RIMS1: variants seen among roughly 807,000 people sequenced by gnomAD.
The protein encoded by RIMS1 is regulating synaptic membrane exocytosis protein 1.
In RIMS1, 83 loss-of-function variants were observed where a neutral mutation model predicts 214.1. That is an observed-to-expected ratio of 0.39 (90% CI 0.32 to 0.47). The LOEUF (loss-of-function observed/expected upper bound fraction) is 0.47, where lower values mean the gene tolerates loss of function less well. Among genes scored for constraint, RIMS1 ranks in the 20% least tolerant of loss-of-function variants. The pLI, the probability that RIMS1 is intolerant of heterozygous loss-of-function variation, is 0.99. For missense variants in RIMS1, 2,050 were observed against 2,161.8 expected (o/e 0.95, Z 1.03); for synonymous variants, 793 against 786.8 (o/e 1.01, Z -0.13).
chr6:72,346,525 A>G lies in RIMS1; in HGVS notation c.4366+12690A>G, dbSNP rs559575335. On this transcript the variant is annotated intron_variant, in intron 29 of 33. Coordinates refer to ENST00000521978, the MANE Select transcript of RIMS1 (RefSeq NM_014989.7). Reference sequence around the variant, plus strand: ...TGAAAGATGTTTATGAACTCCCAGAAGTATGTTCATCCCAAATTAGGCATA... The same window carrying G: ...TGAAAGATGTTTATGAACTCCCAGAGGTATGTTCATCCCAAATTAGGCATA... 3.3e-5 allele frequency among the ~76,000 whole-genome samples: 5 copies of G among 151,790 alleles called. No homozygotes were observed. In the South Asian group the frequency reaches 8.3e-4, roughly 25 times the overall value.
rs1368485568 is a variant in RIMS1 at position 72,182,352 on chromosome 6, C to G, written c.881C>G (p.Pro294Arg). 19 of 1,613,426 alleles carry G rather than the reference C, an allele frequency of 1.2e-5. No individual in the cohort carries two copies. The highest frequency in any genetic ancestry group is 1.5e-5 in the Non-Finnish European group (18 of 1,179,628). ...CTGAAGAGCGAGCGGAAACGCGTGC[C>G]AAAGACCTCAGCGCAGCCCGTGGAG... ...GALKSERKRV[P>R]KTSAQPVEGA... Residue 294 changes from proline (P) to arginine (R), a missense_variant, in exon 6 of 34, where the codon CCA becomes CGA. This residue lies in a region of RIMS1 where 882 missense variants were observed against 828.9 expected (regional missense o/e 1.06). Coordinates refer to ENST00000521978, the MANE Select transcript of RIMS1 (RefSeq NM_014989.7).
chr6:71,915,700 G>A (rs377254879), intron 1 of RIMS1, among the ~76,000 whole-genome samples: 1 of 152,078 alleles, frequency 6.6e-6, no homozygotes, highest in Non-Finnish European at 1.5e-5. Context: ...TATATATAAA[G>A]CATTTAAAAC....
chr6:72,013,939 AT>A (rs919818939), intron 2 of RIMS1, among the ~76,000 whole-genome samples: 4 of 152,118 alleles, frequency 2.6e-5, no homozygotes, highest in Non-Finnish European at 4.4e-5. Flanking sequence ...GTCTCTGTGG[AT>A]TTGCTGAACC....
rs116441068 is a variant in RIMS1 at position 72,058,569 on chromosome 6, G to A, written c.246-38380G>A. Among the ~76,000 whole-genome samples, 512 of 152,252 alleles carry A rather than the reference G, an allele frequency of 3.4e-3. 5 individuals are homozygous for A. Among genetic ancestry groups the A allele is most frequent in the African/African-American group, 0.012 (483 of 41,522 alleles). Reference sequence around the variant, plus strand: ...TTCATATGTGTTTGTGCTCCTAGAGGTTCATGTAGAGGAGAGGGTAGCCCA... The same window carrying A: ...TTCATATGTGTTTGTGCTCCTAGAGATTCATGTAGAGGAGAGGGTAGCCCA... On this transcript the variant is annotated intron_variant, in intron 2 of 33. Coordinates refer to ENST00000521978, the MANE Select transcript of RIMS1 (RefSeq NM_014989.7).
At chr6:72,056,729 G>A (rs989395929) in intron 2 of RIMS1, among the ~76,000 whole-genome samples, 1 of 152,022 alleles carries the variant, frequency 6.6e-6, no homozygotes, top group Admixed American at 6.6e-5. Flanking sequence ...CTTAATTTCA[G>A]TATTCATTTA....
At chr6:72,120,777 T>C (rs13191220) in intron 4 of RIMS1, among the ~76,000 whole-genome samples, 12 of 152,104 alleles carry the variant, frequency 7.9e-5, no homozygotes, top group Non-Finnish European at 1.5e-4. Flanking sequence ...AGGGTTTTTA[T>C]GGTTTTAGGT....
chr6:71,940,928 G>T (rs1247272457), intron 1 of RIMS1, among the ~76,000 whole-genome samples: 2 of 152,098 alleles, frequency 1.3e-5, no homozygotes. Context: ...CTGAGAAAAA[G>T]TTTATAATTG....
intron 4 of RIMS1, among the ~76,000 whole-genome samples, chr6:72,165,019 C>G (rs987752234): frequency 1.4e-4 from 21 of 152,180 alleles, no homozygotes; most frequent in Non-Finnish European, 2.9e-4. Flanking sequence ...TTGATTTTGG[C>G]AAACCATGGC....
At chr6:72,211,237 A>G (rs1244045628) in intron 6 of RIMS1, among the ~76,000 whole-genome samples, 3 of 152,164 alleles carry the variant, frequency 2.0e-5, no homozygotes, top group East Asian at 1.9e-4. Flanking sequence ...TTAAGTGCCA[A>G]TACATTAATA....
At chr6:72,261,169 C>G (rs751648813) in intron 19 of RIMS1, 23 of 1,030,808 alleles carry the variant, frequency 2.2e-5, no homozygotes, top group Non-Finnish European at 2.6e-5. Context: ...TGTAAGTTTG[C>G]TCTGTTTTAG....
chr6:71,968,795 T>C (rs904866736), intron 1 of RIMS1, among the ~76,000 whole-genome samples, 188 bp from the exon 2 acceptor site: 2 of 152,216 alleles, frequency 1.3e-5, no homozygotes, highest in Non-Finnish European at 2.9e-5. Flanking sequence ...TCGGGTATAA[T>C]TGAGCTTTTG....
At chr6:71,965,215 A>C (rs1213814779) in intron 1 of RIMS1, among the ~76,000 whole-genome samples, 1 of 152,200 alleles carries the variant, frequency 6.6e-6, no homozygotes, top group Non-Finnish European at 1.5e-5. Flanking sequence ...CGCTTCCTGC[A>C]CAGTAACTAG....
rs975570853 is a variant in RIMS1, at chr6:71,945,835, C to T, written c.165-23148C>T. ...CATGATCTCAACTCACTGCAACCTCCGCTTCCTGGGTTCAAGCGATTCTCC... is the reference window on the plus strand; with the variant it reads ...CATGATCTCAACTCACTGCAACCTCTGCTTCCTGGGTTCAAGCGATTCTCC... On this transcript the variant is annotated intron_variant, in intron 1 of 33. Coordinates refer to ENST00000521978, the MANE Select transcript of RIMS1 (RefSeq NM_014989.7). Among the ~76,000 whole-genome samples the T allele has an allele frequency of 6.6e-5, 10 of 151,560 alleles. No homozygotes were observed. In the East Asian group the frequency reaches 9.7e-4, roughly 15 times the overall value.
At chr6:72,129,567 TTATAAG>T (rs1455060296) in intron 4 of RIMS1, among the ~76,000 whole-genome samples, 2 of 152,274 alleles carry the variant, frequency 1.3e-5, no homozygotes, top group African/African-American at 2.4e-5. Flanking sequence ...AGATTATATT[TTATAAG>T]TATAAGAGTT....
intron 2 of RIMS1, among the ~76,000 whole-genome samples, chr6:72,011,067 G>A (rs997294219): frequency 1.3e-5 from 2 of 152,144 alleles, no homozygotes; most frequent in African/African-American, 4.8e-5. Flanking sequence ...CACACTTCCT[G>A]ATTTCAGACT....
chr6:72,378,312 C>A (rs2098425623), intron 29 of RIMS1, among the ~76,000 whole-genome samples: 1 of 152,178 alleles, frequency 6.6e-6, no homozygotes, highest in African/African-American at 2.4e-5. Context: ...TAAATCAAAC[C>A]ACCCCAATTT....
chr6:71,925,378 G>T (rs1159116592), intron 1 of RIMS1, among the ~76,000 whole-genome samples: 1 of 152,180 alleles, frequency 6.6e-6, no homozygotes, highest in African/African-American at 2.4e-5. Context: ...GAGATCTCAT[G>T]AGAAAAGAAA....
At chr6:72,318,016 G>A (rs1261355899) in intron 28 of RIMS1, among the ~76,000 whole-genome samples, 1 of 152,112 alleles carries the variant, frequency 6.6e-6, no homozygotes, top group African/African-American at 2.4e-5. Context: ...TTTAAAGTCA[G>A]TTTTTCTTAC....
chr6:72,097,282 T>C, intron 3 of RIMS1, 120 bp downstream of exon 3: 1 of 805,694 alleles, frequency 1.2e-6, no homozygotes, highest in East Asian at 2.7e-5. Context: ...CACGTTAAAA[T>C]GAACCTCCCT....
Sources: allele counts gnomAD v4.1 joint callset (sites outside exome capture counted in the v4.1 genomes callset), GRCh38; gene constraint gnomAD v4.1.1; regional missense constraint gnomAD v4.1.1; transcripts MANE v1.5; gene names NCBI Gene and HGNC (gene_info 2026-07-23, HGNC 2026-07-21).